PCDH15: variants seen among roughly 807,000 people sequenced by gnomAD.
PCDH15 encodes protocadherin related 15.
A neutral mutation model predicts 178.5 loss-of-function variants in PCDH15; 129 were observed. The ratio of observed to expected loss-of-function variants is 0.72; its 90% CI spans 0.63 to 0.84. The LOEUF is 0.84. PCDH15 is among the 40% of genes least tolerant of loss of function. The pLI is 0.00. For missense variants in PCDH15, 2,230 were observed against 2,099.9 expected, an observed-to-expected ratio of 1.06 and a Z score of -1.21; for synonymous variants, 800 against 732.0, an observed-to-expected ratio of 1.09 and a Z score of -1.50.
intron 8 of PCDH15, among the ~76,000 whole-genome samples, chr10:54,298,443 G>T (rs1295575367): frequency 6.6e-6 from 1 of 152,172 alleles, no homozygotes; most frequent in Admixed American, 6.5e-5. Context: ...AACCTACCTT[G>T]CTGGTTCAGA....
chr10:55,400,007 C>G (rs949074576), intron 2 of PCDH15, among the ~76,000 whole-genome samples: 2 of 151,906 alleles, frequency 1.3e-5, no homozygotes, highest in African/African-American at 4.8e-5. Context: ...ATGGAAACTC[C>G]CAGGTGGTTA....
chr10:54,163,067 T>C (rs2045877104), intron 13 of PCDH15, among the ~76,000 whole-genome samples: 1 of 152,114 alleles, frequency 6.6e-6, no homozygotes, highest in African/African-American at 2.4e-5. Flanking sequence ...TCCTAGAAAT[T>C]CTCAAGGGCA....
intron 3 of PCDH15, among the ~76,000 whole-genome samples, chr10:54,847,916 T>C (rs1953542506): frequency 6.6e-6 from 1 of 152,200 alleles, no homozygotes; most frequent in Admixed American, 6.5e-5. Context: ...TGCAGTCTGA[T>C]GGCCAAGCCC....
chr10:54,122,238 G>A (rs566925790), intron 15 of PCDH15, among the ~76,000 whole-genome samples: 5 of 151,894 alleles, frequency 3.3e-5, no homozygotes, highest in Admixed American at 2.6e-4. Flanking sequence ...AATGTGATCC[G>A]ATCACATGAA....
At chr10:54,883,621 A>G (rs1954301739) in intron 3 of PCDH15, among the ~76,000 whole-genome samples, 2 of 152,130 alleles carry the variant, frequency 1.3e-5, no homozygotes, top group South Asian at 4.2e-4. Context: ...GTAAAAGGAA[A>G]GAGTAATGTA....
At chr10:53,932,153 T>C (rs1200838288) in intron 25 of PCDH15, among the ~76,000 whole-genome samples, 1 of 152,236 alleles carries the variant, frequency 6.6e-6, no homozygotes, top group Admixed American at 6.5e-5. Flanking sequence ...TTTGCCAGCA[T>C]ACTTCAGTTA....
chr10:54,607,978 CTTTGCCTACATCA>C lies in PCDH15; in HGVS notation c.91+56181_91+56193del, dbSNP rs773328078. On this transcript the variant is annotated intron_variant, in intron 2 of 37. Transcript: ENST00000644397. ...CTAATACTTCCGCACTTTGGAAAGG[CTTTGCCTACATCA>C]TTTTGGTTATTGTGAGAAGACTTGC... 8.3e-5 allele frequency: 41 copies of C among 493,156 alleles called. 1 individual carries two copies. The highest frequency in any genetic ancestry group is 1.5e-4 in the Non-Finnish European group (37 of 250,988). 30.5% of individuals were successfully genotyped at this position (493,156 alleles called of 1,614,324 possible). A position where few individuals can be genotyped will look rare whatever the true frequency, so the allele number is the denominator to read the frequency against.
At chr10:55,540,161 T>G (rs1841725604) in intron 2 of PCDH15, among the ~76,000 whole-genome samples, 1 of 152,116 alleles carries the variant, frequency 6.6e-6, no homozygotes. Context: ...GCATAGTCCA[T>G]TTGTGTGAGT....
chr10:53,841,820 A>T (rs2077665562), intron 28 of PCDH15, among the ~76,000 whole-genome samples: 1 of 152,074 alleles, frequency 6.6e-6, no homozygotes, highest in Admixed American at 6.6e-5. Flanking sequence ...GGAAAATATC[A>T]GTTAATAGTT....
upstream of PCDH15, among the ~76,000 whole-genome samples, chr10:55,323,055 A>T (rs1385785183): frequency 6.6e-6 from 1 of 152,184 alleles, no homozygotes; most frequent in Non-Finnish European, 1.5e-5. Context: ...AAAGGGGCCA[A>T]CTTGAAGCTC....
At position 54,475,044 on chromosome 10, in the gene PCDH15, T is replaced by A. The variant is rs112903250; in HGVS notation, c.157+52768A>T. On this transcript the variant is annotated intron_variant, in intron 3 of 37. Transcript: ENST00000644397. The stretch of plus-strand genomic sequence containing the variant: ...TAATCTACAACTTATTCTCCTAAAC[T>A]TTTTTTTAATGTTAGACTTTTAATT... Among the ~76,000 whole-genome samples, 898 of 151,812 alleles carry A rather than the reference T, an allele frequency of 5.9e-3. 15 individuals are homozygous for A. The highest frequency in any genetic ancestry group is 0.021 in the African/African-American group (871 of 41,468).
At position 54,517,879 on chromosome 10, in the gene PCDH15, A is replaced by G. The variant is rs187273012; in HGVS notation, c.157+9933T>C. ...AAATTGTCTCTCAGACCACAGTGCA[A>G]TCAAACTAGAACTCAAGATTAAGAA... is the stretch of plus-strand genomic sequence containing the variant. On this transcript the variant is annotated intron_variant, in intron 3 of 37. Coordinates refer to ENST00000644397, the MANE Select transcript of PCDH15 (RefSeq NM_001384140.1). Among the ~76,000 whole-genome samples, 379 of 152,354 alleles carry G rather than the reference A, an allele frequency of 2.5e-3. 1 individual carries two copies. The highest frequency in any genetic ancestry group is 0.01 in the Middle Eastern group (3 of 294).
chr10:55,448,819 A>T lies in PCDH15; in HGVS notation c.-156+178806T>A, dbSNP rs115618752. ...AGGAGAACAAACTTCAAAATTGAAAACAATAAATTCAGTTGCTGATACATT... is the reference window on the plus strand; with the variant it reads ...AGGAGAACAAACTTCAAAATTGAAATCAATAAATTCAGTTGCTGATACATT... On this transcript the variant is annotated intron_variant, in intron 2 of 5. Coordinates refer to the PCDH15 transcript ENST00000613346. Among the ~76,000 whole-genome samples, 1,027 of 152,168 alleles carry T rather than the reference A, an allele frequency of 6.7e-3. 13 individuals are homozygous for T. The highest frequency in any genetic ancestry group is 0.024 in the African/African-American group (985 of 41,566).
intron 2 of PCDH15, among the ~76,000 whole-genome samples, chr10:54,972,118 T>C (rs1363273856): frequency 6.6e-6 from 1 of 152,240 alleles, no homozygotes; most frequent in East Asian, 1.9e-4. Flanking sequence ...GGAAAAGCTC[T>C]GTGTAAGGTA....
chr10:54,222,984 T>G (rs867600302), intron 9 of PCDH15, among the ~76,000 whole-genome samples: 3 of 152,190 alleles, frequency 2.0e-5, no homozygotes, highest in African/African-American at 7.2e-5. Flanking sequence ...ATTTTAAATT[T>G]TTTCTTTTAT....
At chr10:54,661,030 C>A (rs2094482881) in intron 2 of PCDH15, among the ~76,000 whole-genome samples, 2 of 151,692 alleles carry the variant, frequency 1.3e-5, no homozygotes, top group South Asian at 2.1e-4. Flanking sequence ...TGTAACAAGA[C>A]AAGGATGGCC....
intron 2 of PCDH15, among the ~76,000 whole-genome samples, chr10:55,020,969 G>C (rs1448197137): frequency 1.3e-5 from 2 of 152,054 alleles, no homozygotes; most frequent in African/African-American, 2.4e-5. Flanking sequence ...AGGCATAAAT[G>C]ACTATTGCCC....
At chr10:54,261,207 AT>A (rs1258996606) in intron 8 of PCDH15, among the ~76,000 whole-genome samples, 2 of 152,168 alleles carry the variant, frequency 1.3e-5, no homozygotes, top group African/African-American at 2.4e-5. Flanking sequence ...GTGAGACCTT[AT>A]TTATTGTAGG....
intron 2 of PCDH15, among the ~76,000 whole-genome samples, chr10:55,368,231 G>A (rs771376030): frequency 1.3e-5 from 2 of 151,932 alleles, no homozygotes; most frequent in African/African-American, 2.4e-5. Context: ...ATCAACAATG[G>A]CAAGGAACCA....
Sources: gnomAD v4.1 joint callset for allele counts (sites outside exome capture counted in the v4.1 genomes callset) on GRCh38, gnomAD v4.1.1 for gene constraint, MANE v1.5 for transcripts, NCBI Gene and HGNC (gene_info 2026-07-23, HGNC 2026-07-21) for gene names.